Variants in LONP2 observed in about 807,000 individuals in gnomAD.
LONP2 encodes the protein lon peptidase 2, peroxisomal, also known as lon protease homolog 2, peroxisomal.
LONP2 carries 60 observed loss-of-function variants against 85.6 expected under a neutral mutation model. The ratio of observed to expected loss-of-function variants is 0.70; its 90% confidence interval spans 0.57 to 0.87. The LOEUF (loss-of-function observed/expected upper bound fraction) is 0.87. LONP2 is among the 40% of genes least tolerant of loss of function. LONP2 has a pLI of 0.00. For missense variants in LONP2, 860 were observed against 1,063.5 expected (o/e 0.81, Z 2.66); for synonymous variants, 395 against 389.7 (o/e 1.01, Z -0.16).
In LONP2 at chr16:48,252,055, G is replaced by A. The variant is rs537305656; in HGVS notation, c.234-76G>A. 5.3e-6 allele frequency: 6 copies of A among 1,133,660 alleles called. No individual in the cohort carries two copies. The Admixed American group carries it at 1.9e-4, about 36-fold the overall frequency. The allele number at this position is 1,133,660 out of a possible 1,614,324, so 70.2% of individuals were successfully genotyped here. On this transcript the variant is annotated intron_variant, in intron 1 of 14. Transcript: ENST00000285737. ...TTTGCTTAATGAATGTATCAGAAAA[G>A]CCAACACTTTCTGAAGTGAGTTTCT...
intron 11 of LONP2, among the ~76,000 whole-genome samples, chr16:48,333,882 C>T (rs965021405): frequency 2.6e-5 from 4 of 152,168 alleles, no homozygotes; most frequent in Non-Finnish European, 1.5e-5. Context: ...TTGAATAGTG[C>T]CGGGAATTGT....
chr16:48,254,822 T>G (rs1971725419), intron 2 of LONP2, among the ~76,000 whole-genome samples: 1 of 152,244 alleles, frequency 6.6e-6, no homozygotes, highest in Non-Finnish European at 1.5e-5. Flanking sequence ...CATCCTGTAC[T>G]GAGCAGTGTT....
chr16:48,257,698 A>AAG (rs1971788192), intron 3 of LONP2, among the ~76,000 whole-genome samples: 2 of 152,340 alleles, frequency 1.3e-5, no homozygotes, highest in African/African-American at 4.8e-5. Context: ...TTATCAGTTT[A>AAG]TTTAATACTT....
At chr16:48,291,983 T>C (rs1411057164) in intron 8 of LONP2, among the ~76,000 whole-genome samples, 1 of 152,124 alleles carries the variant, frequency 6.6e-6, no homozygotes, top group African/African-American at 2.4e-5. Context: ...TAAAGGGGAA[T>C]GGGCAGATAT....
At chr16:48,252,086 A>G in intron 1 of LONP2, 45 bp from the exon 2 acceptor site, 1 of 1,377,564 alleles carries the variant, frequency 7.3e-7, no homozygotes, top group East Asian at 2.4e-5. Flanking sequence ...TTTCTGTTCT[A>G]CCGTATTGAA....
At chr16:48,301,172 G>A (rs1326150039) in intron 10 of LONP2, among the ~76,000 whole-genome samples, 2 of 152,046 alleles carry the variant, frequency 1.3e-5, no homozygotes, top group Non-Finnish European at 2.9e-5. Flanking sequence ...CAATATTTGA[G>A]TTTTTCATCT....
chr16:48,303,501 A>G (rs1972850718), intron 11 of LONP2, among the ~76,000 whole-genome samples, 196 bp downstream of exon 11: 1 of 152,190 alleles, frequency 6.6e-6, no homozygotes, highest in Admixed American at 6.5e-5. Flanking sequence ...TACAAATAGC[A>G]CAGTTTTAAC....
intron 2 of LONP2, among the ~76,000 whole-genome samples, chr16:48,254,088 T>G (rs1971707176): frequency 2.0e-5 from 3 of 152,212 alleles, no homozygotes; most frequent in Admixed American, 2.0e-4. Flanking sequence ...TTGAACCTTT[T>G]CTCTTCACTG....
chr16:48,329,914 T>C (rs1350934379), intron 11 of LONP2, among the ~76,000 whole-genome samples: 1 of 152,234 alleles, frequency 6.6e-6, no homozygotes, highest in Non-Finnish European at 1.5e-5. Flanking sequence ...CTGCGATGGG[T>C]GACTGTGCAC....
At chr16:48,279,259 G>C (rs989532210) in intron 8 of LONP2, among the ~76,000 whole-genome samples, 1 of 152,092 alleles carries the variant, frequency 6.6e-6, no homozygotes, top group Non-Finnish European at 1.5e-5. Context: ...ATATTTAATA[G>C]TAAGGGACAA....
intron 12 of LONP2, among the ~76,000 whole-genome samples, chr16:48,340,721 G>A (rs1395171776): frequency 1.3e-5 from 2 of 152,112 alleles, no homozygotes; most frequent in Non-Finnish European, 2.9e-5. Flanking sequence ...AGCGCTTTGG[G>A]AGGCCAAGGT....
intron 3 of LONP2, among the ~76,000 whole-genome samples, chr16:48,258,136 A>G (rs186997312): frequency 2.6e-5 from 4 of 152,288 alleles, no homozygotes; most frequent in Non-Finnish European, 5.9e-5. Context: ...TCACGAGGTC[A>G]GGAGATCGAG....
At chr16:48,291,493 C>T (rs900102466) in intron 8 of LONP2, among the ~76,000 whole-genome samples, 5 of 152,220 alleles carry the variant, frequency 3.3e-5, no homozygotes, top group East Asian at 1.9e-4. Flanking sequence ...ATTCCTCCCA[C>T]GGTTCATCCC....
chr16:48,303,628 A>G (rs1448857897), intron 11 of LONP2, among the ~76,000 whole-genome samples: 1 of 152,172 alleles, frequency 6.6e-6, no homozygotes, highest in Non-Finnish European at 1.5e-5. Flanking sequence ...ATTAACTCAC[A>G]CAATCACATG....
In LONP2 at chr16:48,356,554, C is replaced by T. The variant is rs1428498199; in HGVS notation, c.*4752C>T. Reference sequence around the variant, plus strand: ...AAAAAGACTACAGTTAGTCATTATCCAATTTGATGATTTATGGTCCAACAC... The same window carrying T: ...AAAAAGACTACAGTTAGTCATTATCTAATTTGATGATTTATGGTCCAACAC... On this transcript the variant is annotated 3_prime_UTR_variant, in exon 15 of 15. Transcript: ENST00000285737. 6.3e-6 allele frequency: 1 copy of T among 158,988 alleles called. No individual in the cohort carries two copies. Among genetic ancestry groups the T allele is most frequent in the Non-Finnish European group, 1.4e-5 (1 of 72,652 alleles). The allele number at this position is 158,988 out of a possible 1,614,324, so 9.8% of individuals were successfully genotyped here. A position where few individuals can be genotyped will look rare whatever the true frequency, so the allele number is the denominator to read the frequency against.
rs1274097974 is a variant in LONP2 at position 48,357,332 on chromosome 16, A to G, written c.*5530A>G. ...TTTGGATGGTGCCATTTTTAGATAAACGTACGTTTCTTTTGGTAAATTCAG... is the reference window on the plus strand; with the variant it reads ...TTTGGATGGTGCCATTTTTAGATAAGCGTACGTTTCTTTTGGTAAATTCAG... On this transcript the variant is annotated 3_prime_UTR_variant, in exon 15 of 15. Coordinates refer to ENST00000285737, the MANE Select transcript of LONP2 (RefSeq NM_031490.5). 1.3e-5 allele frequency: 2 copies of G among 152,200 alleles called. No individual in the cohort carries two copies. The highest frequency in any genetic ancestry group is 2.9e-5 in the Non-Finnish European group (2 of 68,044). 9.4% of individuals were successfully genotyped at this position (152,200 alleles called of 1,614,324 possible). A position where few individuals can be genotyped will look rare whatever the true frequency, so the allele number is the denominator to read the frequency against.
rs1960387219 is a variant in LONP2, at chr16:48,356,887, TGA to T, written c.*5086_*5087del. 1 of 169,272 alleles carries T rather than the reference TGA, an allele frequency of 5.9e-6. No individual in the cohort carries two copies. The highest frequency in any genetic ancestry group is 2.4e-5 in the African/African-American group (1 of 42,046). 10.5% of individuals were successfully genotyped at this position (169,272 alleles called of 1,614,324 possible). On this transcript the variant is annotated 3_prime_UTR_variant, in exon 15 of 15. Transcript: ENST00000285737. Reference sequence around the variant, plus strand: ...TTGAGGCTAAATCCTCATCCTGACATGACAGTGCAAGCCTGTCAAAATGTGAC... The same window carrying T: ...TTGAGGCTAAATCCTCATCCTGACATCAGTGCAAGCCTGTCAAAATGTGAC...
chr16:48,329,863 G>A (rs1959383156), intron 11 of LONP2, among the ~76,000 whole-genome samples: 1 of 152,200 alleles, frequency 6.6e-6, no homozygotes, highest in Non-Finnish European at 1.5e-5. Flanking sequence ...CCTAATGTTG[G>A]GTACTTATAT....
intron 10 of LONP2, among the ~76,000 whole-genome samples, chr16:48,301,630 G>A (rs1448696534): frequency 3.3e-5 from 5 of 151,382 alleles, no homozygotes; most frequent in African/African-American, 4.9e-5. Flanking sequence ...GTGAGACTCC[G>A]TCTCAAAAAA....
Sources: allele counts gnomAD v4.1 joint callset (sites outside exome capture counted in the v4.1 genomes callset), GRCh38; gene constraint gnomAD v4.1.1; transcripts MANE v1.5; gene names NCBI Gene and HGNC (gene_info 2026-07-23, HGNC 2026-07-21).